Variants in RXFP1 observed in about 807,000 individuals in gnomAD.
RXFP1 encodes the protein relaxin family peptide receptor 1.
In RXFP1, 73 loss-of-function variants were observed where a neutral mutation model predicts 89.8. That is an observed-to-expected ratio of 0.81 (90% confidence interval 0.67 to 0.99). RXFP1 has a LOEUF of 0.99. Ranked by LOEUF, RXFP1 falls within the 50% of genes least tolerant of loss-of-function variation. The pLI, the probability that RXFP1 is intolerant of heterozygous loss-of-function variation, is 0.00. For missense variants in RXFP1, 793 were observed against 895.5 expected, an observed-to-expected ratio of 0.89 and a Z score of 1.46; for synonymous variants, 277 against 305.5, an observed-to-expected ratio of 0.91 and a Z score of 0.97.
chr4:158,648,331 T>C (rs1771966883), intron 16 of RXFP1, among the ~76,000 whole-genome samples, 168 bp from the exon 17 acceptor site: 1 of 152,236 alleles, frequency 6.6e-6, no homozygotes, highest in Admixed American at 6.5e-5. Context: ...TTCATGATTT[T>C]TGTGGACTTT....
intron 1 of RXFP1, among the ~76,000 whole-genome samples, chr4:158,527,652 T>C (rs1434899465): frequency 2.0e-5 from 3 of 150,734 alleles, no homozygotes; most frequent in African/African-American, 7.3e-5. Flanking sequence ...AAAAATGAAG[T>C]TTCTTTTTCC....
chr4:158,610,505 G>A (rs980089220), intron 6 of RXFP1: 5 of 402,612 alleles, frequency 1.2e-5, no homozygotes, highest in African/African-American at 1.0e-4. Flanking sequence ...TATGATCTAA[G>A]ATGGGAAAAC....
At chr4:158,624,675 G>T (rs537090546) in intron 9 of RXFP1, among the ~76,000 whole-genome samples, 2 of 152,174 alleles carry the variant, frequency 1.3e-5, no homozygotes, top group South Asian at 4.1e-4. Context: ...TGATTTTGTT[G>T]TTGTTTTTGC....
At chr4:158,531,129 T>G (rs1305968963) in intron 1 of RXFP1, among the ~76,000 whole-genome samples, 3 of 152,154 alleles carry the variant, frequency 2.0e-5, no homozygotes, top group Non-Finnish European at 4.4e-5. Flanking sequence ...CTCTGCCCCC[T>G]GGCTCAAGCA....
chr4:158,551,398 G>T (rs931283247), intron 1 of RXFP1, among the ~76,000 whole-genome samples: 1 of 152,102 alleles, frequency 6.6e-6, no homozygotes, highest in African/African-American at 2.4e-5. Context: ...AAACAAATAA[G>T]AATTAAAAAA....
chr4:158,623,334 A>G (rs989082536), intron 9 of RXFP1, among the ~76,000 whole-genome samples: 6 of 133,062 alleles, frequency 4.5e-5, no homozygotes, highest in African/African-American at 7.4e-5. Flanking sequence ...CCCTGTCTCT[A>G]CTAAATACAA....
chr4:158,555,898 C>A (rs1216538248), intron 1 of RXFP1, among the ~76,000 whole-genome samples: 1 of 152,150 alleles, frequency 6.6e-6, no homozygotes, highest in Non-Finnish European at 1.5e-5. Context: ...TGAGATTACA[C>A]CCCTCCCTCT....
intron 5 of RXFP1, among the ~76,000 whole-genome samples, chr4:158,605,485 T>TA (rs1395292754): frequency 6.6e-6 from 1 of 152,236 alleles, no homozygotes; most frequent in Non-Finnish European, 1.5e-5. Flanking sequence ...AGAAAAATGT[T>TA]ACGCTCTTTT....
rs931444808 is a variant in RXFP1, at chr4:158,551,677, A to T, written c.50-21021A>T. Among the ~76,000 whole-genome samples the T allele has an allele frequency of 4.6e-5, 7 of 152,348 alleles. No homozygotes were observed. In the East Asian group the frequency reaches 1.3e-3, roughly 29 times the overall value. On this transcript the variant is annotated intron_variant, in intron 1 of 17. Coordinates refer to ENST00000307765, the MANE Select transcript of RXFP1 (RefSeq NM_021634.4). ...AAATATAGGCTGGGCACTGTGGCTC[A>T]TGCCTGTAATCCCAGCACTTTGAGC... is the stretch of plus-strand genomic sequence containing the variant.
chr4:158,522,583 T>C (rs774344321), intron 1 of RXFP1, among the ~76,000 whole-genome samples: 25 of 152,192 alleles, frequency 1.6e-4, no homozygotes, highest in Non-Finnish European at 3.1e-4. Flanking sequence ...CAAATGGGCA[T>C]GTTATTTTTA....
At chr4:158,528,364 G>C (rs1049678466) in intron 1 of RXFP1, among the ~76,000 whole-genome samples, 2 of 152,182 alleles carry the variant, frequency 1.3e-5, no homozygotes, top group Non-Finnish European at 2.9e-5. Flanking sequence ...AATTTAGCCA[G>C]TCGTGGTGGC....
chr4:158,563,919 A>C (rs1753020315), intron 1 of RXFP1, among the ~76,000 whole-genome samples: 1 of 147,986 alleles, frequency 6.8e-6, no homozygotes, highest in Non-Finnish European at 1.5e-5. Context: ...ATATAACATA[A>C]CATAATATAT....
intron 1 of RXFP1, among the ~76,000 whole-genome samples, chr4:158,528,430 T>G (rs1743155314): frequency 6.6e-6 from 1 of 152,008 alleles, no homozygotes; most frequent in Non-Finnish European, 1.5e-5. Context: ...CGCTTGAGCC[T>G]GGGAGGCAGA....
At chr4:158,649,789 A>G (rs1772296790) in intron 17 of RXFP1, among the ~76,000 whole-genome samples, 1 of 152,238 alleles carries the variant, frequency 6.6e-6, no homozygotes, top group African/African-American at 2.4e-5. Flanking sequence ...GGAAGACAAT[A>G]TGGCAGTCCC....
In RXFP1 at chr4:158,572,556, A is replaced by G. The variant is rs1387451511; in HGVS notation, c.50-142A>G. On this transcript the variant is annotated intron_variant, in intron 1 of 17. Transcript: ENST00000307765. The stretch of plus-strand genomic sequence containing the variant: ...AACGTCCTAAGAGGTGAAGGTTCCT[A>G]GAAAATAACTGGCATCAGGGTTGTA... 5 of 746,736 alleles carry G rather than the reference A, an allele frequency of 6.7e-6. No homozygotes were observed. In the African/African-American group the frequency reaches 7.0e-5, roughly 10 times the overall value. 46.3% of individuals were successfully genotyped at this position (746,736 alleles called of 1,614,324 possible).
At chr4:158,534,771 C>T (rs898709501) in intron 1 of RXFP1, among the ~76,000 whole-genome samples, 8 of 151,450 alleles carry the variant, frequency 5.3e-5, no homozygotes, top group Non-Finnish European at 1.0e-4. Context: ...AGAACTCGAA[C>T]TCAAGCTTAT....
chr4:158,642,860 C>A (rs1052312932), intron 14 of RXFP1, among the ~76,000 whole-genome samples: 2 of 152,146 alleles, frequency 1.3e-5, no homozygotes, highest in African/African-American at 4.8e-5. Context: ...AAGAGAAAAG[C>A]TCTCTCTCCT....
rs925316677 is a variant in RXFP1, at chr4:158,653,136, G to A, written c.*1081G>A. On this transcript the variant is annotated 3_prime_UTR_variant, in exon 18 of 18. Transcript: ENST00000307765. ...TACTTTCTCTTTGCACTGCCAGCAC[G>A]TGAGATACTAACTTTTTAACTAGTT... The A allele has an allele frequency of 3.3e-5, 5 of 152,286 alleles. No individual in the cohort carries two copies. Among genetic ancestry groups the A allele is most frequent in the African/African-American group, 4.8e-5 (2 of 41,560 alleles). 9.4% of individuals were successfully genotyped at this position (152,286 alleles called of 1,614,324 possible). A position where few individuals can be genotyped will look rare whatever the true frequency, so the allele number is the denominator to read the frequency against.
intron 15 of RXFP1, among the ~76,000 whole-genome samples, 180 bp downstream of exon 15, chr4:158,645,318 T>C (rs1771304441): frequency 6.6e-6 from 1 of 152,252 alleles, no homozygotes; most frequent in African/African-American, 2.4e-5. Context: ...TAAAAAAATA[T>C]GTTTTTTAAA....
Sources: allele counts gnomAD v4.1 joint callset (sites outside exome capture counted in the v4.1 genomes callset), GRCh38; gene constraint gnomAD v4.1.1; transcripts MANE v1.5; gene names NCBI Gene and HGNC (gene_info 2026-07-23, HGNC 2026-07-21).